ST14: variants seen among roughly 807,000 people sequenced by gnomAD.
ST14 encodes the protein suppressor of tumorigenicity 14 protein.
A neutral mutation model predicts 96.5 loss-of-function variants in ST14; 40 were observed. That is an observed-to-expected ratio of 0.41 (90% CI 0.32 to 0.54). The LOEUF (loss-of-function observed/expected upper bound fraction) is 0.54, where lower values mean the gene tolerates loss of function less well. Ranked by LOEUF, ST14 falls within the 20% of genes least tolerant of loss-of-function variation. The pLI is 0.17. For missense variants in ST14, 1,066 were observed against 1,188.9 expected (o/e 0.90, Z 1.52); for synonymous variants, 506 against 492.1 (o/e 1.03, Z -0.37).
At chr11:130,173,486 C>T (rs543178961) in intron 1 of ST14, among the ~76,000 whole-genome samples, 1 of 152,042 alleles carries the variant, frequency 6.6e-6, no homozygotes, top group Non-Finnish European at 1.5e-5. Context: ...GTCCCAGCTA[C>T]TCGGGAGGCT....
intron 16 of ST14, among the ~76,000 whole-genome samples, chr11:130,204,841 G>A (rs1405162181): frequency 2.0e-5 from 3 of 151,572 alleles, no homozygotes; most frequent in Non-Finnish European, 2.9e-5. Context: ...AGAAGGTGAT[G>A]GACGCTGGGG....
chr11:130,200,168 C>T lies in ST14; in HGVS notation c.1994+31C>T, dbSNP rs1257742752. 2.5e-6 allele frequency: 4 copies of T among 1,611,090 alleles called. No individual in the cohort carries two copies. The African/African-American group carries it at 5.3e-5, about 22-fold the overall frequency. On this transcript the variant is annotated intron_variant, in intron 16 of 18. Transcript: ENST00000278742. ...TCTCTGGGTGGGCAGCAGGGAGCCT[C>T]CTTGCTGGCCCTTTGCATCTGGGAG...
chr11:130,160,118 G>A, intron 1 of ST14, 58 bp downstream of exon 1: 1 of 1,225,668 alleles, frequency 8.2e-7, no homozygotes, highest in South Asian at 2.1e-5. Context: ...CGACCCTGCA[G>A]CGCGGCGCTG....
Position 130,187,569 on chromosome 11 carries a change from G to A in ST14, c.82-545G>A, listed in dbSNP as rs996302770. Among the ~76,000 whole-genome samples, 3 of 152,196 alleles carry A rather than the reference G, an allele frequency of 2.0e-5. No homozygotes were observed. The highest frequency in any genetic ancestry group is 1.9e-4 in the East Asian group (1 of 5,190). The stretch of plus-strand genomic sequence containing the variant: ...ACTTTTGGCTGGTTCACCATTGGCA[G>A]GGCAAGGCCGCTGGGTAGGGTGTGC... On this transcript the variant is annotated intron_variant, in intron 1 of 18. Coordinates refer to ENST00000278742, the MANE Select transcript of ST14 (RefSeq NM_021978.4). This position sits in a 1 kb window ranked among gnomAD's most constrained non-coding sequence, Gnocchi z 4.5.
chr11:130,183,928 C>T lies in ST14; in HGVS notation c.82-4186C>T, dbSNP rs375846802. 2.5e-4 allele frequency among the ~76,000 whole-genome samples: 38 copies of T among 152,254 alleles called. 1 individual carries two copies. The East Asian group carries it at 5.8e-3, about 23-fold the overall frequency. On this transcript the variant is annotated intron_variant, in intron 1 of 18. Coordinates refer to ENST00000278742, the MANE Select transcript of ST14 (RefSeq NM_021978.4). Reference sequence around the variant, plus strand: ...GGTAAACACATGTTGTGTGTCCAAACGATGGGATAAATGCAGCAACAACCA... The same window carrying T: ...GGTAAACACATGTTGTGTGTCCAAATGATGGGATAAATGCAGCAACAACCA...
At chr11:130,205,698 C>CGTTTTT (rs1953478304) in intron 16 of ST14, among the ~76,000 whole-genome samples, 1 of 120,826 alleles carries the variant, frequency 8.3e-6, no homozygotes, top group Non-Finnish European at 1.7e-5. Context: ...CTTCTTTAGA[C>CGTTTTT]GTTTTTTTTT....
At chr11:130,177,991 G>A (rs1199925832) in intron 1 of ST14, among the ~76,000 whole-genome samples, 2 of 152,188 alleles carry the variant, frequency 1.3e-5, no homozygotes, top group Admixed American at 6.5e-5. Context: ...CACAAGGCGC[G>A]AGCCGCATGG....
intron 9 of ST14, among the ~76,000 whole-genome samples, chr11:130,195,911 C>A (rs1953357191): frequency 6.7e-6 from 1 of 149,540 alleles, no homozygotes; most frequent in Admixed American, 6.7e-5. Context: ...AATCCCAGCA[C>A]TTTGGGAGGC....
At position 130,198,436 on chromosome 11, in the gene ST14, G is replaced by T. The variant is rs754990860; in HGVS notation, c.1570+18G>T. The T allele has an allele frequency of 2.5e-6, 4 of 1,613,426 alleles. No individual in the cohort carries two copies. Among genetic ancestry groups the T allele is most frequent in the Non-Finnish European group, 3.4e-6 (4 of 1,179,604 alleles). On this transcript the variant is annotated intron_variant, in intron 13 of 18. Coordinates refer to ENST00000278742, the MANE Select transcript of ST14 (RefSeq NM_021978.4). The stretch of plus-strand genomic sequence containing the variant: ...GGGGTGCAGTGAGTGCTGGGGAGGG[G>T]CTGCCTGGGCGGGCAGGTGGGCGGG...
Position 130,197,921 on chromosome 11 carries a change from G to C in ST14, c.1435G>C (p.Asp479His). 1 of 1,592,834 alleles carries C rather than the reference G, an allele frequency of 6.3e-7. No homozygotes were observed. Among genetic ancestry groups the C allele is most frequent in the Non-Finnish European group, 8.5e-7 (1 of 1,172,558 alleles). The change falls in exon 12 of 19, where the codon GAC becomes CAC. Residue 479 changes from aspartate (D) to histidine (H), a missense_variant. Asp to His is a moderately conservative substitution (Grantham distance 81, BLOSUM62 -1). Coordinates refer to ENST00000278742, the MANE Select transcript of ST14 (RefSeq NM_021978.4). ...LRCDGWADCT[D>H]HSDELNCSCD... ...CTGTGATGGCTGGGCCGACTGCACC[G>C]ACCACAGCGATGAGCTCAACTGCAG...
chr11:130,161,046 G>C (rs1451805088), intron 1 of ST14, among the ~76,000 whole-genome samples: 1 of 152,140 alleles, frequency 6.6e-6, no homozygotes, highest in East Asian at 1.9e-4. Flanking sequence ...AGTCTCCGCC[G>C]TTGCTCCCTA....
At chr11:130,168,671 G>A (rs1953062619) in intron 1 of ST14, among the ~76,000 whole-genome samples, 1 of 152,164 alleles carries the variant, frequency 6.6e-6, no homozygotes, top group Non-Finnish European at 1.5e-5. Context: ...AATTTCAAGG[G>A]TAGATCCAGC....
At position 130,197,963 on chromosome 11, in the gene ST14, C is replaced by G. The variant is rs370884367; in HGVS notation, c.1459+18C>G. On this transcript the variant is annotated intron_variant, in intron 12 of 18. Transcript: ENST00000278742. Reference sequence around the variant, plus strand: ...CAACTGCAGTGAGTCAGGCTGGGAGCCCCGGTCTCCCCACCCTCCTTCCCC... The same window carrying G: ...CAACTGCAGTGAGTCAGGCTGGGAGGCCCGGTCTCCCCACCCTCCTTCCCC... 1 of 1,553,584 alleles carries G rather than the reference C, an allele frequency of 6.4e-7. No homozygotes were observed. The highest frequency in any genetic ancestry group is 8.7e-7 in the Non-Finnish European group (1 of 1,151,024).
At chr11:130,167,096 A>G (rs1438930796) in intron 1 of ST14, among the ~76,000 whole-genome samples, 1 of 152,226 alleles carries the variant, frequency 6.6e-6, no homozygotes, top group African/African-American at 2.4e-5. Flanking sequence ...CTGTAATCCT[A>G]GCTACTCAGG....
intron 15 of ST14, among the ~76,000 whole-genome samples, chr11:130,199,423 C>A (rs761844457): frequency 6.6e-6 from 1 of 152,212 alleles, no homozygotes; most frequent in Non-Finnish European, 1.5e-5. Flanking sequence ...CAGGGTGTCA[C>A]CCCTGCCTGC....
chr11:130,197,926 C>T lies in ST14; in HGVS notation c.1440C>T (p.His480=), dbSNP rs1393969037. 2 of 1,591,424 alleles carry T rather than the reference C, an allele frequency of 1.3e-6. No homozygotes were observed. The highest frequency in any genetic ancestry group is 1.1e-5 in the South Asian group (1 of 88,222). The change falls in exon 12 of 19, where the codon CAC becomes CAT. Residue 480 remains histidine (H), a synonymous_variant. Coordinates refer to ENST00000278742, the MANE Select transcript of ST14 (RefSeq NM_021978.4). ...ATGGCTGGGCCGACTGCACCGACCA[C>T]AGCGATGAGCTCAACTGCAGTGAGT... ...RCDGWADCTD[H]SDELNCSCDA...
chr11:130,208,539 C>A lies in ST14; in HGVS notation c.2124C>A (p.Phe708Leu). The stretch of plus-strand genomic sequence containing the variant: ...ACCCCTTCTTCAATGACTTCACCTT[C>A]GACTATGACATCGCGCTGCTGGAGC... Reference protein sequence around the residue: ...ISHPFFNDFTFDYDIALLELE... With the variant: ...ISHPFFNDFTLDYDIALLELE... Residue 708 changes from phenylalanine to leucine, a missense_variant, in exon 17 of 19, where the codon TTC (phenylalanine) becomes TTA (leucine). Transcript: ENST00000278742. The A allele has an allele frequency of 6.2e-7, 1 of 1,614,248 alleles. No individual in the cohort carries two copies. The highest frequency in any genetic ancestry group is 8.5e-7 in the Non-Finnish European group (1 of 1,180,046).
intron 9 of ST14, among the ~76,000 whole-genome samples, 179 bp from the exon 10 acceptor site, chr11:130,196,160 A>G (rs1428241845): frequency 6.6e-6 from 1 of 151,812 alleles, no homozygotes; most frequent in Non-Finnish European, 1.5e-5. Flanking sequence ...ACTCCATCTC[A>G]AAAAACAAAC....
chr11:130,190,051 G>C (rs1953280111), intron 5 of ST14, 62 bp from the exon 6 acceptor site: 2 of 1,613,218 alleles, frequency 1.2e-6, no homozygotes, highest in African/African-American at 2.7e-5. Flanking sequence ...AGATAATAAG[G>C]AAGCAGGAAT....
Sources: gnomAD v4.1 joint callset for allele counts (sites outside exome capture counted in the v4.1 genomes callset) on GRCh38, gnomAD v4.1.1 for gene constraint, Gnocchi (gnomAD v3.1) non-coding constraint, MANE v1.5 for transcripts, NCBI Gene and HGNC (gene_info 2026-07-23, HGNC 2026-07-21) for gene names.